The following SFXN1 variants were observed in gnomAD, a reference collection of about 807,000 sequenced individuals.
The protein encoded by SFXN1 is sideroflexin-1.
Under a neutral mutation model 39.5 loss-of-function variants are expected in SFXN1, and 32 were observed. That is an observed-to-expected ratio of 0.81 (90% CI 0.61 to 1.09). The LOEUF (loss-of-function observed/expected upper bound fraction) is 1.09, where lower values mean the gene tolerates loss of function less well. SFXN1 is among the 50% of genes least tolerant of loss of function. The probability of loss-of-function intolerance (pLI) is 0.00; values close to 1 mark genes in which losing one functional copy is unlikely to be tolerated. For synonymous variants in SFXN1, 136 were observed against 146.5 expected, an observed-to-expected ratio of 0.93 and a Z score of 0.52; for missense variants, 402 against 407.1, an observed-to-expected ratio of 0.99 and a Z score of 0.11.
intron 3 of SFXN1, among the ~76,000 whole-genome samples, chr5:175,509,791 TG>T (rs1377430851): frequency 6.6e-6 from 1 of 152,168 alleles, no homozygotes; most frequent in Non-Finnish European, 1.5e-5. Flanking sequence ...GCCTACAAAT[TG>T]TATCTTTTTT....
chr5:175,481,604 G>T (rs1040803655), intron 1 of SFXN1, among the ~76,000 whole-genome samples: 1 of 152,174 alleles, frequency 6.6e-6, no homozygotes, highest in Non-Finnish European at 1.5e-5. Context: ...GTGAGCCACC[G>T]CGCCTGGCAC....
intron 2 of SFXN1, among the ~76,000 whole-genome samples, chr5:175,506,063 C>T (rs1025053752): frequency 3.3e-5 from 5 of 152,148 alleles, no homozygotes; most frequent in African/African-American, 1.2e-4. Context: ...GGTGATCTGC[C>T]CGTCTCGGCC....
chr5:175,493,383 T>G (rs1174374197), intron 2 of SFXN1, among the ~76,000 whole-genome samples: 1 of 152,218 alleles, frequency 6.6e-6, no homozygotes, highest in Non-Finnish European at 1.5e-5. Context: ...TGCTAGAAGC[T>G]TTGTGCCTAA....
At position 175,529,372 on chromosome 5, in the gene SFXN1, T is replaced by G. The variant is rs1286484115; in HGVS notation, c.*2638T>G. On this transcript the variant is annotated 3_prime_UTR_variant, in exon 11 of 11. Transcript: ENST00000321442. ...AAAAAAGAGATTATAAAAGGGATGA[T>G]GAACATGGAGCTGCATCTTTTTAAA... 1 of 152,158 alleles carries G rather than the reference T, an allele frequency of 6.6e-6. No homozygotes were observed. Among genetic ancestry groups the G allele is most frequent in the East Asian group, 1.9e-4 (1 of 5,192 alleles). 9.4% of individuals were successfully genotyped at this position (152,158 alleles called of 1,614,324 possible). A position where few individuals can be genotyped will look rare whatever the true frequency, so the allele number is the denominator to read the frequency against.
At chr5:175,484,600 G>T (rs1316872179) in intron 1 of SFXN1, among the ~76,000 whole-genome samples, 1 of 152,262 alleles carries the variant, frequency 6.6e-6, no homozygotes, top group Non-Finnish European at 1.5e-5. Flanking sequence ...AGGCCTTAAG[G>T]ATACCAGCAT....
chr5:175,490,907 TATA>T lies in SFXN1; in HGVS notation c.-9-1183_-9-1181del, dbSNP rs368450956. On this transcript the variant is annotated intron_variant, in intron 1 of 10. Transcript: ENST00000321442. ...TGATATCAACTAATTTTTTAAATTGTATAATAACATGTATAGAAAATGTCTATA... is the reference window on the plus strand; with the variant it reads ...TGATATCAACTAATTTTTTAAATTGTATAACATGTATAGAAAATGTCTATA... Among the ~76,000 whole-genome samples, 1,003 of 152,334 alleles carry T rather than the reference TATA, an allele frequency of 6.6e-3. 9 individuals carry two copies. Among genetic ancestry groups the T allele is most frequent in the African/African-American group, 0.023 (967 of 41,578 alleles).
At chr5:175,486,541 C>T (rs1031123626) in intron 1 of SFXN1, among the ~76,000 whole-genome samples, 1 of 152,160 alleles carries the variant, frequency 6.6e-6, no homozygotes, top group African/African-American at 2.4e-5. Context: ...GTGGGCAGAT[C>T]ACTTGAGCCC....
At chr5:175,505,082 G>A (rs75245865) in intron 2 of SFXN1, among the ~76,000 whole-genome samples, 1 of 152,196 alleles carries the variant, frequency 6.6e-6, no homozygotes, top group East Asian at 1.9e-4. Flanking sequence ...CCAGAAATTT[G>A]CGTCAATGAT....
At chr5:175,481,334 G>A (rs529907894) in intron 1 of SFXN1, among the ~76,000 whole-genome samples, 1 of 152,060 alleles carries the variant, frequency 6.6e-6, no homozygotes, top group Admixed American at 6.6e-5. Context: ...TGTTTGTTTG[G>A]TTTTTGAGAT....
At chr5:175,496,724 T>C (rs1248518530) in intron 2 of SFXN1, among the ~76,000 whole-genome samples, 2 of 152,204 alleles carry the variant, frequency 1.3e-5, no homozygotes, top group Non-Finnish European at 2.9e-5. Flanking sequence ...ATGATGTAAT[T>C]GTACTTACGA....
In SFXN1 at chr5:175,504,763, C is replaced by G. The variant is rs992591770; in HGVS notation, c.165-4269C>G. Among the ~76,000 whole-genome samples the G allele has an allele frequency of 3.9e-5, 6 of 152,076 alleles. No homozygotes were observed. In the South Asian group the frequency reaches 1.2e-3, roughly 32 times the overall value. On this transcript the variant is annotated intron_variant, in intron 2 of 10. Coordinates refer to ENST00000321442, the MANE Select transcript of SFXN1 (RefSeq NM_022754.7). ...GGCGGGGAGGGTGCGGAGTCTTGCT[C>G]TGTCGCCCAGGCTGGAGTGCAGTGG...
At chr5:175,480,197 C>G (rs1386252130) in intron 1 of SFXN1, among the ~76,000 whole-genome samples, 16 of 152,124 alleles carry the variant, frequency 1.1e-4, no homozygotes, top group Admixed American at 1.0e-3. Flanking sequence ...GTCAGGAGAT[C>G]AAGACCATCC....
In SFXN1 at chr5:175,492,162, C is replaced by G; in HGVS notation, c.59C>G (p.Thr20Ser). Residue 20 changes from threonine to serine, a missense_variant, in exon 2 of 11, where the codon ACT becomes AGT. By Grantham distance (58) the Thr-to-Ser change is moderately conservative. Coordinates refer to ENST00000321442, the MANE Select transcript of SFXN1 (RefSeq NM_022754.7). ...AAGGAACCTCGATGGGATCAAAGCA[C>G]TTTCATTGGACGAGCCAATCATTTC... The part of the protein sequence containing the change: ...NIKEPRWDQS[T>S]FIGRANHFFT... 1 of 1,614,096 alleles carries G rather than the reference C, an allele frequency of 6.2e-7. No individual in the cohort carries two copies.
At chr5:175,514,055 G>T (rs1338510865) in intron 7 of SFXN1, among the ~76,000 whole-genome samples, 1 of 152,128 alleles carries the variant, frequency 6.6e-6, no homozygotes, top group East Asian at 1.9e-4. Flanking sequence ...AAGAAGCCAG[G>T]CAGGGTTTTG....
chr5:175,527,163 A>C lies in SFXN1; in HGVS notation c.*429A>C, dbSNP rs930511231. 1 of 158,238 alleles carries C rather than the reference A, an allele frequency of 6.3e-6. No individual in the cohort carries two copies. Among genetic ancestry groups the C allele is most frequent in the African/African-American group, 2.4e-5 (1 of 41,526 alleles). 9.8% of individuals were successfully genotyped at this position (158,238 alleles called of 1,614,324 possible). A position where few individuals can be genotyped will look rare whatever the true frequency, so the allele number is the denominator to read the frequency against. On this transcript the variant is annotated 3_prime_UTR_variant, in exon 11 of 11. Coordinates refer to ENST00000321442, the MANE Select transcript of SFXN1 (RefSeq NM_022754.7). ...CATTGCAAATCAAGGAGATCTCAGC[A>C]GTGAACTGGGAAAATACAAAAGCTC...
intron 2 of SFXN1, among the ~76,000 whole-genome samples, chr5:175,497,355 G>T (rs1211819922): frequency 2.0e-5 from 3 of 152,178 alleles, no homozygotes; most frequent in Non-Finnish European, 4.4e-5. Context: ...TTTTAAGTAT[G>T]ACTGCCAATA....
intron 2 of SFXN1, 92 bp downstream of exon 2, chr5:175,492,359 T>A: frequency 1.6e-5 from 13 of 799,664 alleles, no homozygotes; most frequent in South Asian, 3.0e-5. Context: ...ATTTTACAAC[T>A]TTTTTTTTTG....
chr5:175,509,106 A>G lies in SFXN1; in HGVS notation c.239A>G (p.His80Arg). 1.9e-6 allele frequency: 3 copies of G among 1,614,044 alleles called. No individual in the cohort carries two copies. The highest frequency in any genetic ancestry group is 2.5e-6 in the Non-Finnish European group (3 of 1,179,986). The change falls in exon 3 of 11, where the codon CAT becomes CGT. Residue 80 changes from histidine to arginine, a missense_variant. Coordinates refer to ENST00000321442, the MANE Select transcript of SFXN1 (RefSeq NM_022754.7). ...RAKYIYDSAF[H>R]PDTGEKMILI... Reference sequence around the variant, plus strand: ...AAGTACATCTATGATTCAGCTTTTCATCCTGACACTGGTGAGAAGATGATT... The same window carrying G: ...AAGTACATCTATGATTCAGCTTTTCGTCCTGACACTGGTGAGAAGATGATT...
chr5:175,501,169 A>G (rs768764237), intron 2 of SFXN1, among the ~76,000 whole-genome samples: 1 of 150,124 alleles, frequency 6.7e-6, no homozygotes, highest in African/African-American at 2.5e-5. Context: ...CCCAGGTTCA[A>G]GCTATTCTCC....
Sources: allele counts gnomAD v4.1 joint callset (sites outside exome capture counted in the v4.1 genomes callset), GRCh38; gene constraint gnomAD v4.1.1; transcripts MANE v1.5; gene names NCBI Gene and HGNC (gene_info 2026-07-23, HGNC 2026-07-21).